The following DLG2 variants were observed in gnomAD, a reference collection of about 807,000 sequenced individuals.
DLG2 encodes disks large homolog 2.
A neutral mutation model predicts 132.5 loss-of-function variants in DLG2; 45 were observed. The observed-to-expected ratio is 0.34, with a 90% CI of 0.27 to 0.44. The LOEUF (loss-of-function observed/expected upper bound fraction) is 0.44, where lower values mean the gene tolerates loss of function less well. Among genes scored for constraint, DLG2 ranks in the 20% least tolerant of loss-of-function variants. The pLI, the probability that DLG2 is intolerant of heterozygous loss-of-function variation, is 1.00. For missense variants in DLG2, 1,045 were observed against 1,196.9 expected (o/e 0.87, Z 1.87); for synonymous variants, 424 against 419.6 (o/e 1.01, Z -0.13).
intron 6 of DLG2, among the ~76,000 whole-genome samples, chr11:84,558,824 T>C (rs1024369710): frequency 1.3e-5 from 2 of 152,138 alleles, no homozygotes; most frequent in African/African-American, 4.8e-5. Flanking sequence ...CTTTATTTTT[T>C]TGCATCTATT....
chr11:85,385,167 A>C (rs922628132), intron 3 of DLG2, among the ~76,000 whole-genome samples: 2 of 152,204 alleles, frequency 1.3e-5, no homozygotes, highest in African/African-American at 4.8e-5. Flanking sequence ...TACTTTATAG[A>C]AGGACTGTAA....
chr11:85,278,840 C>T (rs898854644), intron 4 of DLG2, among the ~76,000 whole-genome samples: 4 of 152,076 alleles, frequency 2.6e-5, no homozygotes, highest in African/African-American at 9.7e-5. Context: ...AATCAAATTC[C>T]TGATTCTACC....
At chr11:84,394,342 T>TG (rs1328653945) in intron 7 of DLG2, among the ~76,000 whole-genome samples, 2 of 151,988 alleles carry the variant, frequency 1.3e-5, no homozygotes, top group Non-Finnish European at 2.9e-5. Flanking sequence ...CTTTCAGTTT[T>TG]TTTTTTTTTC....
At chr11:85,387,548 A>C (rs931795755) in intron 3 of DLG2, among the ~76,000 whole-genome samples, 1 of 152,192 alleles carries the variant, frequency 6.6e-6, no homozygotes, top group Non-Finnish European at 1.5e-5. Flanking sequence ...TCAGCTGACA[A>C]ATGACCAGTG....
At chr11:84,067,866 G>C (rs1158119119) in intron 10 of DLG2, among the ~76,000 whole-genome samples, 1 of 152,172 alleles carries the variant, frequency 6.6e-6, no homozygotes, top group Non-Finnish European at 1.5e-5. Flanking sequence ...GAAAGGAAGA[G>C]GAATGTTTTA....
intron 6 of DLG2, among the ~76,000 whole-genome samples, chr11:84,575,972 C>G (rs1422294226): frequency 6.6e-6 from 1 of 152,184 alleles, no homozygotes; most frequent in African/African-American, 2.4e-5. Flanking sequence ...AAGACATGTT[C>G]CTTGCCTAAG....
At chr11:83,651,799 C>G (rs1017682107) in intron 18 of DLG2, 1 of 470,452 alleles carries the variant, frequency 2.1e-6, no homozygotes, top group East Asian at 6.9e-5. Flanking sequence ...TTCCAAAACA[C>G]ACTTAGAGGA....
At chr11:84,460,098 A>G (rs1322889686) in intron 7 of DLG2, among the ~76,000 whole-genome samples, 1 of 150,576 alleles carries the variant, frequency 6.6e-6, no homozygotes, top group Non-Finnish European at 1.5e-5. Flanking sequence ...ATCAAATAGG[A>G]TTAATATGTT....
At chr11:83,920,333 A>G (rs962267718) in intron 15 of DLG2, among the ~76,000 whole-genome samples, 12 of 100,482 alleles carry the variant, frequency 1.2e-4, no homozygotes, top group African/African-American at 5.0e-4. Context: ...AAGGGTTGAT[A>G]GGGAAGGTTT....
At chr11:83,896,207 A>G (rs1878265) in intron 15 of DLG2, among the ~76,000 whole-genome samples, 47,077 of 152,176 alleles carry the variant, frequency 0.31, 7,765 homozygotes, top group East Asian at 0.5. Context: ...GGAATAAAAT[A>G]TGAAAACGAC....
intron 3 of DLG2, among the ~76,000 whole-genome samples, chr11:85,478,417 C>T (rs149970252): frequency 5.1e-4 from 78 of 152,236 alleles, no homozygotes; most frequent in African/African-American, 1.8e-3. Context: ...CTTTATAGGA[C>T]TGTCTTGTGC....
intron 7 of DLG2, among the ~76,000 whole-genome samples, chr11:84,528,907 T>C (rs2099328771): frequency 6.6e-6 from 1 of 152,184 alleles, no homozygotes; most frequent in Non-Finnish European, 1.5e-5. Flanking sequence ...GAATCTGATA[T>C]CACAGTACTG....
chr11:84,296,270 A>C (rs1818262927), intron 7 of DLG2, among the ~76,000 whole-genome samples: 1 of 106,416 alleles, frequency 9.4e-6, no homozygotes, highest in African/African-American at 4.1e-5. Flanking sequence ...AAATACTTAG[A>C]ATGAACAACA....
intron 3 of DLG2, among the ~76,000 whole-genome samples, chr11:85,454,320 G>A (rs1220152591): frequency 6.6e-6 from 1 of 151,502 alleles, no homozygotes; most frequent in Non-Finnish European, 1.5e-5. Context: ...TCTTATTCTT[G>A]TTGACCACAT....
rs530590962 is a variant in DLG2, at chr11:84,670,304, A to G, written c.358-135573T>C. 5.0e-4 allele frequency among the ~76,000 whole-genome samples: 76 copies of G among 152,140 alleles called. No individual in the cohort carries two copies. The Middle Eastern group carries it at 0.01, about 20-fold the overall frequency. ...GGCAGGCTCTCTCTCTCTCCTTCAAATTTGTTTTTCAGAACATGAAGTGGG... is the reference window on the plus strand; with the variant it reads ...GGCAGGCTCTCTCTCTCTCCTTCAAGTTTGTTTTTCAGAACATGAAGTGGG... On this transcript the variant is annotated intron_variant, in intron 6 of 27. Transcript: ENST00000376104.
In DLG2 at chr11:83,767,037, A is replaced by G. The variant is rs182462546; in HGVS notation, c.1825+19653T>C. 5.3e-5 allele frequency among the ~76,000 whole-genome samples: 8 copies of G among 152,184 alleles called. No homozygotes were observed. The East Asian group carries it at 1.5e-3, about 29-fold the overall frequency. On this transcript the variant is annotated intron_variant, in intron 18 of 27. Coordinates refer to ENST00000376104, the MANE Select transcript of DLG2 (RefSeq NM_001142699.3). ...CTCTCCTGCCTCTCTTTTTCTATCAAAAGGCCCTTGTGATTAGATTAGGCA... is the reference window on the plus strand; with the variant it reads ...CTCTCCTGCCTCTCTTTTTCTATCAGAAGGCCCTTGTGATTAGATTAGGCA...
chr11:85,089,303 G>C (rs1320950286), intron 6 of DLG2, among the ~76,000 whole-genome samples: 1 of 152,106 alleles, frequency 6.6e-6, no homozygotes, highest in African/African-American at 2.4e-5. Flanking sequence ...AATTCTAGTA[G>C]ACCCTAGTAT....
At chr11:83,709,991 T>C (rs1361367238) in intron 18 of DLG2, among the ~76,000 whole-genome samples, 2 of 152,126 alleles carry the variant, frequency 1.3e-5, no homozygotes, top group African/African-American at 4.8e-5. Flanking sequence ...TGGGTGAGCA[T>C]TTTGTGAAAG....
At chr11:84,705,881 C>A (rs1180494438) in intron 6 of DLG2, among the ~76,000 whole-genome samples, 1 of 151,802 alleles carries the variant, frequency 6.6e-6, no homozygotes, top group Admixed American at 6.6e-5. Context: ...ATTATATCAA[C>A]CATTCATTCA....
Sources: gnomAD v4.1 joint callset for allele counts (sites outside exome capture counted in the v4.1 genomes callset) on GRCh38, gnomAD v4.1.1 for gene constraint, MANE v1.5 for transcripts, NCBI Gene and HGNC (gene_info 2026-07-23, HGNC 2026-07-21) for gene names.